RAD51B: variants seen among roughly 807,000 people sequenced by gnomAD.
The protein encoded by RAD51B is DNA repair protein RAD51 homolog 2.
A neutral mutation model predicts 42.2 loss-of-function variants in RAD51B; 38 were observed. The observed-to-expected ratio is 0.90, with a 90% CI of 0.70 to 1.18. The LOEUF (loss-of-function observed/expected upper bound fraction) is 1.18. RAD51B is among the 50% of genes most tolerant of loss of function. The pLI, the probability that RAD51B is intolerant of heterozygous loss-of-function variation, is 0.00. For synonymous variants in RAD51B, 154 were observed against 145.2 expected (o/e 1.06, Z -0.43); for missense variants, 373 against 400.7 (o/e 0.93, Z 0.59).
At chr14:68,543,989 C>A (rs920027309) in intron 10 of RAD51B, among the ~76,000 whole-genome samples, 1 of 152,146 alleles carries the variant, frequency 6.6e-6, no homozygotes, top group Non-Finnish European at 1.5e-5. Context: ...TCCAAGGAGA[C>A]CTTCAGACAA....
At chr14:68,577,044 T>C (rs1398623530) in intron 10 of RAD51B, among the ~76,000 whole-genome samples, 1 of 152,248 alleles carries the variant, frequency 6.6e-6, no homozygotes, top group Non-Finnish European at 1.5e-5. Flanking sequence ...GACCAATGTC[T>C]TCTCCAAAAC....
At chr14:67,926,189 C>G (rs2044500891) in intron 7 of RAD51B, among the ~76,000 whole-genome samples, 1 of 152,224 alleles carries the variant, frequency 6.6e-6, no homozygotes, top group South Asian at 2.1e-4. Flanking sequence ...CATTGCCAGG[C>G]TGCACATTTT....
chr14:68,046,436 C>T (rs1595312981), intron 7 of RAD51B, among the ~76,000 whole-genome samples: 1 of 152,190 alleles, frequency 6.6e-6, no homozygotes, highest in African/African-American at 2.4e-5. Context: ...TTAGAGCCAT[C>T]TTCAAATGTT....
At chr14:68,179,646 T>C (rs1207975216) in intron 7 of RAD51B, among the ~76,000 whole-genome samples, 4 of 152,188 alleles carry the variant, frequency 2.6e-5, no homozygotes, top group African/African-American at 7.2e-5. Context: ...AAATTGATAA[T>C]ATTTATATGT....
chr14:67,979,289 A>G (rs2075049435), intron 7 of RAD51B, among the ~76,000 whole-genome samples: 2 of 152,192 alleles, frequency 1.3e-5, no homozygotes. Context: ...ATAGTATTAA[A>G]CTCTGATTTC....
chr14:68,596,097 T>C (rs1890987361), downstream of RAD51B: 1 of 990,574 alleles, frequency 1.0e-6, no homozygotes, highest in Non-Finnish European at 1.2e-6. Context: ...CATTTTATAT[T>C]GGAGATTCAA....
chr14:67,868,098 G>C (rs1299539753), intron 5 of RAD51B, among the ~76,000 whole-genome samples: 1 of 152,192 alleles, frequency 6.6e-6, no homozygotes. Flanking sequence ...TGGCCGAATA[G>C]GAACAGCTCT....
intron 9 of RAD51B, among the ~76,000 whole-genome samples, chr14:68,455,476 G>A (rs2085660493): frequency 6.6e-6 from 1 of 152,066 alleles, no homozygotes; most frequent in Admixed American, 6.5e-5. Flanking sequence ...CCAGCACTTT[G>A]GGAGGTCAAG....
intron 10 of RAD51B, among the ~76,000 whole-genome samples, chr14:68,604,591 G>A (rs910017053): frequency 6.6e-6 from 1 of 152,184 alleles, no homozygotes; most frequent in Non-Finnish European, 1.5e-5. Context: ...CCTCGGCCCT[G>A]CCCATTAACA....
chr14:68,139,698 G>A (rs1042250825), intron 7 of RAD51B, among the ~76,000 whole-genome samples: 3 of 152,164 alleles, frequency 2.0e-5, no homozygotes, highest in South Asian at 2.1e-4. Context: ...CTACTCGAGG[G>A]TTGCCATGAC....
chr14:67,926,853 C>T (rs1033236525), intron 7 of RAD51B, among the ~76,000 whole-genome samples: 18 of 152,108 alleles, frequency 1.2e-4, no homozygotes, highest in Admixed American at 7.9e-4. Flanking sequence ...TGAGCCACCA[C>T]GCCTGGCGGA....
intron 6 of RAD51B, among the ~76,000 whole-genome samples, 174 bp downstream of exon 6, chr14:67,886,162 A>G (rs2043055256): frequency 6.6e-6 from 1 of 152,228 alleles, no homozygotes; most frequent in Admixed American, 6.5e-5. Context: ...TGAAAAACAA[A>G]AAAAATTAAA....
intron 7 of RAD51B, among the ~76,000 whole-genome samples, chr14:68,011,720 T>C (rs2140330873): frequency 6.6e-6 from 1 of 152,182 alleles, no homozygotes; most frequent in East Asian, 1.9e-4. Flanking sequence ...GATTAAGAAG[T>C]TTATTTATAT....
At chr14:68,272,316 G>A (rs967978054) in intron 7 of RAD51B, among the ~76,000 whole-genome samples, 16 of 152,054 alleles carry the variant, frequency 1.1e-4, no homozygotes, top group Middle Eastern at 6.8e-3. Context: ...CTCATTTGCT[G>A]TGTGACTCTC....
chr14:68,117,912 T>C (rs772287700), intron 7 of RAD51B, among the ~76,000 whole-genome samples: 4 of 152,212 alleles, frequency 2.6e-5, no homozygotes, highest in Non-Finnish European at 4.4e-5. Flanking sequence ...AAGCCATTTA[T>C]GGACTATAGA....
intron 7 of RAD51B, among the ~76,000 whole-genome samples, chr14:68,282,893 G>GC (rs1018189730): frequency 6.8e-6 from 1 of 146,888 alleles, no homozygotes; most frequent in African/African-American, 2.7e-5. Flanking sequence ...CTCAGAGGCT[G>GC]GGGGGGACCC....
intron 7 of RAD51B, among the ~76,000 whole-genome samples, chr14:68,037,022 G>A (rs1308644650): frequency 7.3e-6 from 1 of 136,304 alleles, no homozygotes. Context: ...GACAGGAATT[G>A]TTACCCTCCC....
At chr14:68,260,495 C>T (rs1050194394) in intron 7 of RAD51B, among the ~76,000 whole-genome samples, 25 of 151,976 alleles carry the variant, frequency 1.6e-4, no homozygotes, top group Non-Finnish European at 3.7e-4. Context: ...CCAAGGAAAG[C>T]TGTATTATTA....
intron 8 of RAD51B, among the ~76,000 whole-genome samples, chr14:68,407,185 C>T (rs1303341442): frequency 1.3e-5 from 2 of 151,736 alleles, no homozygotes; most frequent in East Asian, 1.9e-4. Context: ...ACATAAACTA[C>T]ATAAAAGTAT....
Sources: gnomAD v4.1 joint callset for allele counts (sites outside exome capture counted in the v4.1 genomes callset) on GRCh38, gnomAD v4.1.1 for gene constraint, MANE v1.5 for transcripts, NCBI Gene and HGNC (gene_info 2026-07-23, HGNC 2026-07-21) for gene names.